Variants in GALNTL6 observed in about 807,000 individuals in gnomAD.
GALNTL6 encodes the protein polypeptide N-acetylgalactosaminyltransferase like 6, also known as polypeptide N-acetylgalactosaminyltransferase-like 6.
GALNTL6 carries 46 observed loss-of-function variants against 73.7 expected under a neutral mutation model. That is an observed-to-expected ratio of 0.62 (90% CI 0.49 to 0.80). The LOEUF is 0.80. Ranked by LOEUF, GALNTL6 falls within the 30% of genes least tolerant of loss-of-function variation. The pLI, the probability that GALNTL6 is intolerant of heterozygous loss-of-function variation, is 0.00. For synonymous variants in GALNTL6, 259 were observed against 263.7 expected, an observed-to-expected ratio of 0.98 and a Z score of 0.17; for missense variants, 604 against 755.0, an observed-to-expected ratio of 0.80 and a Z score of 2.34.
chr4:172,585,534 G>A (rs1737375690), intron 5 of GALNTL6, among the ~76,000 whole-genome samples: 1 of 152,126 alleles, frequency 6.6e-6, no homozygotes, highest in Non-Finnish European at 1.5e-5. Context: ...GTATTAGTTT[G>A]CTGAGAATGA....
intron 2 of GALNTL6, among the ~76,000 whole-genome samples, chr4:172,137,385 T>A (rs1733666618): frequency 6.6e-6 from 1 of 152,188 alleles, no homozygotes; most frequent in Non-Finnish European, 1.5e-5. Context: ...TCAAAAACAT[T>A]GTATATAAAT....
At chr4:172,656,398 T>G (rs1731014740) in intron 5 of GALNTL6, among the ~76,000 whole-genome samples, 1 of 152,198 alleles carries the variant, frequency 6.6e-6, no homozygotes, top group South Asian at 2.1e-4. Flanking sequence ...TTTTATTACA[T>G]AAAAGTTGAA....
At chr4:172,539,074 ATTTG>A (rs1735454381) in intron 5 of GALNTL6, among the ~76,000 whole-genome samples, 1 of 152,204 alleles carries the variant, frequency 6.6e-6, no homozygotes, top group Non-Finnish European at 1.5e-5. Flanking sequence ...AAAATATAAG[ATTTG>A]TTTTTCCTAG....
intron 2 of GALNTL6, among the ~76,000 whole-genome samples, chr4:172,137,386 G>A (rs1472106713): frequency 6.6e-6 from 1 of 152,118 alleles, no homozygotes; most frequent in Non-Finnish European, 1.5e-5. Context: ...CAAAAACATT[G>A]TATATAAATT....
chr4:172,149,846 A>G (rs1734027489), intron 2 of GALNTL6, among the ~76,000 whole-genome samples: 1 of 152,080 alleles, frequency 6.6e-6, no homozygotes. Context: ...AAAATATCAC[A>G]CCATTGAGAT....
At chr4:172,841,185 A>G (rs892565451) in intron 7 of GALNTL6, among the ~76,000 whole-genome samples, 1 of 152,238 alleles carries the variant, frequency 6.6e-6, no homozygotes, top group Non-Finnish European at 1.5e-5. Flanking sequence ...AAGCCTCAGA[A>G]ATATGCTACT....
intron 2 of GALNTL6, among the ~76,000 whole-genome samples, chr4:171,904,766 G>A (rs1406158465): frequency 6.6e-6 from 1 of 152,214 alleles, no homozygotes; most frequent in Non-Finnish European, 1.5e-5. Context: ...TACCCTCAAA[G>A]GGAAGCCCAT....
At chr4:172,838,310 T>C (rs557760564) in intron 7 of GALNTL6, among the ~76,000 whole-genome samples, 1 of 152,092 alleles carries the variant, frequency 6.6e-6, no homozygotes, top group African/African-American at 2.4e-5. Context: ...GCAGCAGCGG[T>C]GAGGGTGGAG....
chr4:172,470,604 G>C (rs543629070), intron 5 of GALNTL6, among the ~76,000 whole-genome samples: 39 of 152,186 alleles, frequency 2.6e-4, no homozygotes, highest in African/African-American at 7.7e-4. Flanking sequence ...GTAGCACAGC[G>C]CAAAGGTATT....
At chr4:172,628,376 C>T (rs969251134) in intron 5 of GALNTL6, among the ~76,000 whole-genome samples, 3 of 152,082 alleles carry the variant, frequency 2.0e-5, no homozygotes, top group Non-Finnish European at 4.4e-5. Context: ...TCAAGTCCTA[C>T]TGATGTCTCT....
At chr4:172,409,684 T>A (rs1391148698) in intron 5 of GALNTL6, among the ~76,000 whole-genome samples, 1 of 152,078 alleles carries the variant, frequency 6.6e-6, no homozygotes, top group East Asian at 1.9e-4. Context: ...TTACATTCCA[T>A]CTTTCCATAT....
At chr4:172,455,115 G>A (rs1005712857) in intron 5 of GALNTL6, among the ~76,000 whole-genome samples, 2 of 152,200 alleles carry the variant, frequency 1.3e-5, no homozygotes, top group Admixed American at 6.5e-5. Flanking sequence ...AAAGGATTTG[G>A]GGAACTCCCC....
chr4:172,265,570 C>T (rs563392730), intron 3 of GALNTL6, among the ~76,000 whole-genome samples: 1 of 152,018 alleles, frequency 6.6e-6, no homozygotes, highest in South Asian at 2.1e-4. Flanking sequence ...GATCTAAGAC[C>T]TAAGAAAGAA....
intron 8 of GALNTL6, among the ~76,000 whole-genome samples, chr4:172,905,279 T>C (rs1228834622): frequency 6.6e-6 from 1 of 152,176 alleles, no homozygotes; most frequent in Non-Finnish European, 1.5e-5. Context: ...GCTGGAGAAA[T>C]TGAAGACTAT....
chr4:172,944,468 C>T (rs1749063204), intron 9 of GALNTL6, among the ~76,000 whole-genome samples: 1 of 152,194 alleles, frequency 6.6e-6, no homozygotes, highest in Non-Finnish European at 1.5e-5. Context: ...ACTGACCACA[C>T]CACATGTTGG....
chr4:172,742,036 A>G (rs949723878), intron 5 of GALNTL6, among the ~76,000 whole-genome samples: 1 of 152,000 alleles, frequency 6.6e-6, no homozygotes, highest in African/African-American at 2.4e-5. Flanking sequence ...TACATACAAC[A>G]AAAAAGAAAA....
At chr4:171,833,115 A>G (rs1180633928) in intron 2 of GALNTL6, among the ~76,000 whole-genome samples, 2 of 151,786 alleles carry the variant, frequency 1.3e-5, no homozygotes, top group Non-Finnish European at 3.0e-5. Context: ...TATTAAAAGT[A>G]TGTAAATGGA....
At chr4:172,618,050 A>C (rs1373462128) in intron 5 of GALNTL6, among the ~76,000 whole-genome samples, 1 of 152,210 alleles carries the variant, frequency 6.6e-6, no homozygotes, top group Non-Finnish European at 1.5e-5. Context: ...AATGCAGTGG[A>C]AAATGCAAAT....
chr4:171,857,818 A>G (rs1159821610), intron 2 of GALNTL6, among the ~76,000 whole-genome samples: 1 of 152,212 alleles, frequency 6.6e-6, no homozygotes, highest in Non-Finnish European at 1.5e-5. Flanking sequence ...ATGAAGCAAG[A>G]GAAATGCCCT....
Sources: gnomAD v4.1 joint callset for allele counts (sites outside exome capture counted in the v4.1 genomes callset) on GRCh38, gnomAD v4.1.1 for gene constraint, MANE v1.5 for transcripts, NCBI Gene and HGNC (gene_info 2026-07-23, HGNC 2026-07-21) for gene names.